Variants in HERC5 observed in about 807,000 individuals in gnomAD.
HERC5 encodes HECT and RLD domain containing E3 ubiquitin protein ligase 5.
Under a neutral mutation model 119.6 loss-of-function variants are expected in HERC5, and 99 were observed. The observed-to-expected ratio is 0.83, with a 90% CI of 0.70 to 0.98. The LOEUF (loss-of-function observed/expected upper bound fraction) is 0.98, where lower values mean the gene tolerates loss of function less well. HERC5 is among the 50% of genes least tolerant of loss of function. HERC5 has a pLI of 0.00. For synonymous variants in HERC5, 478 were observed against 445.9 expected, an observed-to-expected ratio of 1.07 and a Z score of -0.91; for missense variants, 1,267 against 1,241.3, an observed-to-expected ratio of 1.02 and a Z score of -0.31.
chr4:88,458,538 T>G (rs150183626), intron 1 of HERC5, among the ~76,000 whole-genome samples: 1,807 of 152,260 alleles, frequency 0.012, 41 homozygotes, highest in African/African-American at 0.041. Context: ...TTTCAACTGA[T>G]TTGAAATGCT....
At chr4:88,479,598 T>G (rs1023040301) in intron 13 of HERC5, 91 bp downstream of exon 13, 4 of 1,048,180 alleles carry the variant, frequency 3.8e-6, no homozygotes, top group Non-Finnish European at 5.3e-6. Context: ...TAGACTCGTG[T>G]GAGACATACG....
intron 1 of HERC5, among the ~76,000 whole-genome samples, chr4:88,458,754 T>C (rs181383098): frequency 2.0e-5 from 3 of 152,316 alleles, no homozygotes; most frequent in Admixed American, 2.0e-4. Flanking sequence ...ACATTTTTAC[T>C]AGTGGACAGT....
chr4:88,479,623 A>AT (rs1230927369), intron 13 of HERC5, 116 bp downstream of exon 13: 4 of 631,394 alleles, frequency 6.3e-6, no homozygotes, highest in Non-Finnish European at 9.7e-6. Flanking sequence ...TTATATTGCT[A>AT]TTTTTTTAAT....
intron 18 of HERC5, among the ~76,000 whole-genome samples, chr4:88,494,738 T>C (rs1484853468): frequency 5.9e-5 from 9 of 152,226 alleles, no homozygotes; most frequent in Admixed American, 1.3e-4. Flanking sequence ...GGTTTTCATA[T>C]CCCTGCTGTG....
chr4:88,482,948 A>G (rs1201302281), intron 13 of HERC5, among the ~76,000 whole-genome samples: 1 of 151,990 alleles, frequency 6.6e-6, no homozygotes, highest in Non-Finnish European at 1.5e-5. Context: ...TGATTCTTAT[A>G]TTCAGCAAAT....
intron 3 of HERC5, among the ~76,000 whole-genome samples, chr4:88,461,774 C>G (rs1057399218): frequency 1.3e-5 from 2 of 152,094 alleles, no homozygotes; most frequent in African/African-American, 4.8e-5. Context: ...TGAGAGAAAA[C>G]AGTAGCGCTG....
chr4:88,468,422 G>C lies in HERC5; in HGVS notation c.1134G>C (p.Glu378Asp), dbSNP rs1429936025. Residue 378 changes from glutamate to aspartate, a missense_variant and splice_region_variant, in exon 8 of 23, where the codon GAG becomes GAC. Coordinates refer to ENST00000264350, the MANE Select transcript of HERC5 (RefSeq NM_016323.4). ...GCATTTTGCTCTGGATAAAGAAAGA[G>C]GTAAAAATAGATCTCCAGGTGTTCT... is the stretch of plus-strand genomic sequence containing the variant. ...NQSILLWIKKENSYVNLKRTI... is the reference protein window; with the variant it reads ...NQSILLWIKKDNSYVNLKRTI... The C allele has an allele frequency of 6.3e-6, 10 of 1,596,244 alleles. No individual in the cohort carries two copies. Among genetic ancestry groups the C allele is most frequent in the Non-Finnish European group, 8.6e-6 (10 of 1,165,612 alleles).
chr4:88,484,075 T>A (rs1741377165), intron 13 of HERC5, among the ~76,000 whole-genome samples: 1 of 152,194 alleles, frequency 6.6e-6, no homozygotes. Flanking sequence ...AGTTCATGAA[T>A]TCTCTTTTCA....
chr4:88,504,764 A>G (rs1310179677), intron 22 of HERC5, among the ~76,000 whole-genome samples, 167 bp downstream of exon 22: 1 of 152,234 alleles, frequency 6.6e-6, no homozygotes, highest in Non-Finnish European at 1.5e-5. Flanking sequence ...GTTAATATCT[A>G]TAAGCAATCT....
At chr4:88,457,622 C>T in intron 1 of HERC5, 88 bp downstream of exon 1, 1 of 1,201,952 alleles carries the variant, frequency 8.3e-7, no homozygotes, top group Non-Finnish European at 1.0e-6. Flanking sequence ...GGGTCCGCGC[C>T]TGAGGGAGGA....
intron 16 of HERC5, among the ~76,000 whole-genome samples, chr4:88,492,097 G>C (rs1050492449): frequency 6.6e-6 from 1 of 151,924 alleles, no homozygotes; most frequent in Non-Finnish European, 1.5e-5. Flanking sequence ...TTCATCTCCC[G>C]GGTTCAAGTG....
At chr4:88,472,385 A>G (rs1246230999) in intron 10 of HERC5, 24 bp from the exon 11 acceptor site, 9 of 1,357,768 alleles carry the variant, frequency 6.6e-6, no homozygotes, top group Non-Finnish European at 9.4e-6. Context: ...CTAACAAAAT[A>G]CTTAATTTAT....
chr4:88,476,042 C>T lies in HERC5; in HGVS notation c.1582+12C>T, dbSNP rs377741809. On this transcript the variant is annotated intron_variant, in intron 12 of 22. Transcript: ENST00000264350. The stretch of plus-strand genomic sequence containing the variant: ...TTCACTGGTTCTGGGTAAGTTTGAT[C>T]ATTTGAAGATACTTTACCTGTCTTC... 1.7e-5 allele frequency: 27 copies of T among 1,603,772 alleles called. No homozygotes were observed. In the African/African-American group the frequency reaches 3.2e-4, roughly 19 times the overall value.
chr4:88,489,322 AG>A lies in HERC5; in HGVS notation c.2121del (p.Glu709SerfsTer29). On this transcript the variant is annotated frameshift_variant, in exon 16 of 23. Transcript: ENST00000264350. LOFTEE classifies it high-confidence loss of function. ...AAGTCAATTTGAGAATGAAGACCTG[AG>A]GAAAGAGTTATGGGTAAGGTGTAAT... Reference protein sequence around the residue: ...QLSQFENEDLRKELWVSFSGE... With the variant: ...QLSQFENEDLXKELWVSFSGE... 1.2e-6 allele frequency: 2 copies of A among 1,612,004 alleles called. No individual in the cohort carries two copies. Among genetic ancestry groups the A allele is most frequent in the Non-Finnish European group, 1.7e-6 (2 of 1,179,310 alleles).
At chr4:88,490,538 A>G (rs775610583) in intron 16 of HERC5, among the ~76,000 whole-genome samples, 5 of 152,174 alleles carry the variant, frequency 3.3e-5, no homozygotes, top group Non-Finnish European at 5.9e-5. Flanking sequence ...CCAAGTCTCA[A>G]GATACCAATT....
Position 88,457,407 on chromosome 4 carries a change from G to T in HERC5, c.138G>T (p.Leu46=), listed in dbSNP as rs1239229536. ...GCGCCGCGGGCCTCCACCGCGCGCT[G>T]CTCCGGAGGGTGGAGGTGACGCGCC... The part of the protein sequence containing the change: ...FPSAAGLHRA[L]LRRVEVTRQL... Residue 46 remains leucine, a synonymous_variant, in exon 1 of 23, where the codon CTG becomes CTT. Transcript: ENST00000264350. 2.2e-6 allele frequency: 3 copies of T among 1,389,914 alleles called. No individual in the cohort carries two copies. The highest frequency in any genetic ancestry group is 1.9e-6 in the Non-Finnish European group (2 of 1,074,832). 86.1% of individuals were successfully genotyped at this position (1,389,914 alleles called of 1,614,324 possible).
chr4:88,493,698 C>G (rs1452477763), intron 17 of HERC5, among the ~76,000 whole-genome samples: 1 of 152,030 alleles, frequency 6.6e-6, no homozygotes, highest in South Asian at 2.1e-4. Flanking sequence ...CCTCCGCCTC[C>G]CAAGCTCAAG....
chr4:88,499,979 A>T lies in HERC5; in HGVS notation c.2498A>T (p.Tyr833Phe). 6.3e-7 allele frequency: 1 copy of T among 1,599,690 alleles called. No homozygotes were observed. ...GGTGATAACTTTGAGGAAGTATTTT[A>T]CATCCATTTTAATGTGAGTAACAAT... ...DEGDNFEEVF[Y>F]IHFNVHWDRN... The change falls in exon 19 of 23, where the codon TAC (tyrosine) becomes TTC (phenylalanine). Residue 833 changes from tyrosine to phenylalanine, a missense_variant. By Grantham distance (22) the Tyr-to-Phe change is conservative. Around this residue, in one of 3 missense-constraint regions of HERC5, gnomAD observed 473 missense variants for 445.7 expected, o/e 1.06. Transcript: ENST00000264350.
chr4:88,457,967 T>C, intron 1 of HERC5: 1 of 993,558 alleles, frequency 1.0e-6, no homozygotes, highest in South Asian at 4.7e-5. Flanking sequence ...CAGTTGCACT[T>C]CTCCCACATT....
Sources: gnomAD v4.1 joint callset for allele counts (sites outside exome capture counted in the v4.1 genomes callset) on GRCh38, gnomAD v4.1.1 for gene constraint, gnomAD v4.1.1 regional missense constraint, MANE v1.5 for transcripts, NCBI Gene and HGNC (gene_info 2026-07-23, HGNC 2026-07-21) for gene names.